MYH6: variants seen among roughly 807,000 people sequenced by gnomAD.
MYH6 encodes the protein myosin heavy chain 6, also known as myosin-6.
MYH6 carries 126 observed loss-of-function variants against 223.2 expected under a neutral mutation model. The ratio of observed to expected loss-of-function variants is 0.56; its 90% CI spans 0.49 to 0.65. MYH6 has a LOEUF of 0.65. Ranked by LOEUF, MYH6 falls within the 30% of genes least tolerant of loss-of-function variation. The pLI is 0.00. For missense variants in MYH6, 2,040 were observed against 2,536.4 expected (o/e 0.80, Z 4.20); for synonymous variants, 978 against 1,010.2 (o/e 0.97, Z 0.61).
Position 23,397,099 on chromosome 14 carries a change from G to A in MYH6, c.2051-19C>T. 1 of 1,614,250 alleles carries A rather than the reference G, an allele frequency of 6.2e-7. No individual in the cohort carries two copies. Among genetic ancestry groups the A allele is most frequent in the Non-Finnish European group, 8.5e-7 (1 of 1,180,046 alleles). ...ATCACCCCTGTGTCAGGAGGGAAGG[G>A]GAAAGGGTCAGCCTTAGGGTAAAGT... On this transcript the variant is annotated intron_variant, in intron 17 of 38. Coordinates refer to ENST00000405093, the MANE Select transcript of MYH6 (RefSeq NM_002471.4).
Position 23,402,699 on chromosome 14 carries a change from C to T in MYH6, c.1000G>A (p.Asp334Asn), listed in dbSNP as rs572757741. Residue 334 changes from aspartate (D) to asparagine (N), a missense_variant and splice_region_variant, in exon 11 of 39, where the codon GAT becomes AAT. By Grantham distance (23) the Asp-to-Asn change is conservative. Transcript: ENST00000405093. ...GCCGCAGCAGCCCCCTCACTCACAT[C>T]GGTGGCCATGAGCTCCTCGGAGTCA... is the stretch of plus-strand genomic sequence containing the variant. ...IDDSEELMAT[D>N]SAFDVLGFTS... 7.4e-6 allele frequency: 12 copies of T among 1,613,554 alleles called. No individual in the cohort carries two copies. The highest frequency in any genetic ancestry group is 2.2e-5 in the East Asian group (1 of 44,720).
rs1265839888 is a variant in MYH6, at chr14:23,386,606, C to T, written c.4668G>A (p.Glu1556=). Residue 1556 remains glutamate, a synonymous_variant, in exon 33 of 39, where the codon GAG becomes GAA. Coordinates refer to ENST00000405093, the MANE Select transcript of MYH6 (RefSeq NM_002471.4). ...LEEAEASLEH[E]EGKILRAQLE... ...GCTGGGCCCGGAGGATCTTGCCCTC[C>T]TCGTGCTCCAGGGAGGCCTGGGAAG... 1.2e-6 allele frequency: 2 copies of T among 1,610,580 alleles called. No homozygotes were observed. The highest frequency in any genetic ancestry group is 1.7e-6 in the Non-Finnish European group (2 of 1,177,444).
At chr14:23,401,081 ACTACAGCCTCC>A in intron 12 of MYH6, 104 bp from the exon 13 acceptor site, 1 of 1,524,046 alleles carries the variant, frequency 6.6e-7, no homozygotes. Context: ...ATCTTGGCTC[ACTACAGCCTCC>A]ACCTCCTGGG....
intron 25 of MYH6, 55 bp from the exon 26 acceptor site, chr14:23,390,501 C>T: frequency 1.3e-6 from 2 of 1,592,826 alleles, no homozygotes; most frequent in Non-Finnish European, 8.5e-7. Context: ...CACTGGAATC[C>T]CCCCGGCTCT....
In MYH6 at chr14:23,383,339, G is replaced by GGGCCCCCCCCCCC; in HGVS notation, c.5566-20_5566-19insGGGGGGGGGGGCC. 9.2e-6 allele frequency: 1 copy of GGGCCCCCCCCCCC among 108,192 alleles called. No homozygotes were observed. The highest frequency in any genetic ancestry group is 1.8e-5 in the Non-Finnish European group (1 of 54,378). 6.7% of individuals were successfully genotyped at this position (108,192 alleles called of 1,614,324 possible). On this transcript the variant is annotated intron_variant, in intron 36 of 38. Coordinates refer to ENST00000405093, the MANE Select transcript of MYH6 (RefSeq NM_002471.4). ...CCTCTGTCTGGGGGTGGGAGGGTGG[G>GGGCCCCCCCCCCC]AGAAGCTGGTTTGGAGGGGGAGCAA...
chr14:23,405,542 C>T lies in MYH6; in HGVS notation c.345+85G>A. ...GGACTTGGGTCCCTTGGGAGTCTCT[C>T]CCCCTCTTCTTGGGAGAGCCCCCCT... On this transcript the variant is annotated intron_variant, in intron 4 of 38. Coordinates refer to ENST00000405093, the MANE Select transcript of MYH6 (RefSeq NM_002471.4). The surrounding 1 kb of genome is among the most constrained non-coding windows in gnomAD (Gnocchi z 4.7). 4 of 1,604,988 alleles carry T rather than the reference C, an allele frequency of 2.5e-6. No individual in the cohort carries two copies. Among genetic ancestry groups the T allele is most frequent in the Non-Finnish European group, 3.4e-6 (4 of 1,174,792 alleles).
At position 23,389,194 on chromosome 14, in the gene MYH6, G is replaced by A. The variant is rs1891148704; in HGVS notation, c.3979-139C>T. On this transcript the variant is annotated intron_variant, in intron 28 of 38. Transcript: ENST00000405093. ...GATGTGGCACCTCACTGTTTGAGGA[G>A]TTTCCCAGTCTGCTCACCCCATCCC... 3.3e-6 allele frequency: 4 copies of A among 1,223,180 alleles called. No homozygotes were observed. In the South Asian group the frequency reaches 6.0e-5, roughly 18 times the overall value. 75.8% of individuals were successfully genotyped at this position (1,223,180 alleles called of 1,614,324 possible).
At chr14:23,395,383 T>C (rs962691864) in intron 20 of MYH6, among the ~76,000 whole-genome samples, 4 of 152,256 alleles carry the variant, frequency 2.6e-5, no homozygotes, top group Non-Finnish European at 5.9e-5. Context: ...CCCATTCCCC[T>C]GTGGATGGAA....
chr14:23,389,062 A>AGGGGGGGGGGGGTTTTGGGCGGGGGGG lies in MYH6; in HGVS notation c.3979-8_3979-7insCCCCCCCGCCCAAAACCCCCCCCCCCC. The AGGGGGGGGGGGGTTTTGGGCGGGGGGG allele has an allele frequency of 8.5e-7, 1 of 1,175,172 alleles. No homozygotes were observed. The highest frequency in any genetic ancestry group is 1.2e-6 in the Non-Finnish European group (1 of 849,496). The allele number at this position is 1,175,172 out of a possible 1,614,324, so 72.8% of individuals were successfully genotyped here. Reference sequence around the variant, plus strand: ...GGGCCAGGGCGTTCTTCGCCTGGGGAGGGGGGGGGGCACCAGGAGGTGGGA... The same window carrying AGGGGGGGGGGGGTTTTGGGCGGGGGGG: ...GGGCCAGGGCGTTCTTCGCCTGGGGAGGGGGGGGGGGGTTTTGGGCGGGGGGGGGGGGGGGGGCACCAGGAGGTGGGA... On this transcript the variant is annotated splice_polypyrimidine_tract_variant and splice_region_variant and intron_variant, in intron 28 of 38. Transcript: ENST00000405093.
intron 3 of MYH6, among the ~76,000 whole-genome samples, chr14:23,406,491 C>T (rs1051343187): frequency 8.5e-5 from 13 of 152,212 alleles, no homozygotes; most frequent in Non-Finnish European, 1.9e-4. Flanking sequence ...GCACACAGCC[C>T]TGAGCCGCAG....
In MYH6 at chr14:23,402,554, A is replaced by G; in HGVS notation, c.1051T>C (p.Tyr351His). Reference protein sequence around the residue: ...GFTSEEKAGVYKLTGAIMHYG... With the variant: ...GFTSEEKAGVHKLTGAIMHYG... ...TGCATGATGGCTCCCGTCAGCTTGT[A>G]GACGCCAGCTTTCTCCTCTGAAGTG... Residue 351 changes from tyrosine (Y) to histidine (H), a missense_variant, in exon 12 of 39, where the codon TAC becomes CAC. Around this residue, in one of 4 missense-constraint regions of MYH6, gnomAD observed 649 missense variants for 877.3 expected, o/e 0.74. Transcript: ENST00000405093. The G allele has an allele frequency of 6.2e-7, 1 of 1,613,722 alleles. No individual in the cohort carries two copies. Among genetic ancestry groups the G allele is most frequent in the Admixed American group, 1.7e-5 (1 of 59,972 alleles).
In MYH6 at chr14:23,389,665, C is replaced by T. The variant is rs375819633; in HGVS notation, c.3787G>A (p.Val1263Met). 1.9e-5 allele frequency: 30 copies of T among 1,614,040 alleles called. No homozygotes were observed. In the African/African-American group the frequency reaches 2.0e-4, roughly 11 times the overall value. Reference sequence around the variant, plus strand: ...GAGCGTTGGGCCTCTTCTAGCTTCACGCGGTACTCATTGGCCTGGTCCTCC... The same window carrying T: ...GAGCGTTGGGCCTCTTCTAGCTTCATGCGGTACTCATTGGCCTGGTCCTCC... The part of the protein sequence containing the change: ...TLEDQANEYR[V>M]KLEEAQRSLN... The change falls in exon 27 of 39, where the codon GTG becomes ATG. Residue 1263 changes from valine (V) to methionine (M), a missense_variant. Around this residue, in one of 4 missense-constraint regions of MYH6, gnomAD observed 1,203 missense variants for 1,400.2 expected, o/e 0.86. Coordinates refer to ENST00000405093, the MANE Select transcript of MYH6 (RefSeq NM_002471.4).
Position 23,400,772 on chromosome 14 carries a change from C to T in MYH6, c.1347G>A (p.Glu449=). The T allele has an allele frequency of 1.9e-6, 3 of 1,614,250 alleles. No homozygotes were observed. Among genetic ancestry groups the T allele is most frequent in the Middle Eastern group, 1.6e-4 (1 of 6,062 alleles). Reference sequence around the variant, plus strand: ...TGAAGTACTGGCGTGGCTGCTTGGTCTCCAGGGTGGCGTTGATGCGCGTCA... The same window carrying T: ...TGAAGTACTGGCGTGGCTGCTTGGTTTCCAGGGTGGCGTTGATGCGCGTCA... ...WMVTRINATL[E]TKQPRQYFIG... The change falls in exon 13 of 39, where the codon GAG becomes GAA. Residue 449 remains glutamate (E), a synonymous_variant. Coordinates refer to ENST00000405093, the MANE Select transcript of MYH6 (RefSeq NM_002471.4).
rs1595056516 is a variant in MYH6 at position 23,393,819 on chromosome 14, A to C, written c.2775T>G (p.Asn925Lys). 2 of 1,614,124 alleles carry C rather than the reference A, an allele frequency of 1.2e-6. No homozygotes were observed. Among genetic ancestry groups the C allele is most frequent in the Non-Finnish European group, 1.7e-6 (2 of 1,180,018 alleles). ...TCTCCTCCTCATCCTCCAGCCTCTCATTCATCTCCTTTACTTTGGCCTCCA... is the reference window on the plus strand; with the variant it reads ...TCTCCTCCTCATCCTCCAGCCTCTCCTTCATCTCCTTTACTTTGGCCTCCA... Reference protein sequence around the residue: ...IQLEAKVKEMNERLEDEEEMN... With the variant: ...IQLEAKVKEMKERLEDEEEMN... Residue 925 changes from asparagine to lysine, a missense_variant, in exon 22 of 39, where the codon AAT (asparagine) becomes AAG (lysine). Asn to Lys is a moderately conservative substitution (Grantham distance 94). Coordinates refer to ENST00000405093, the MANE Select transcript of MYH6 (RefSeq NM_002471.4).
Position 23,405,618 on chromosome 14 carries a change from G to A in MYH6, c.345+9C>T. On this transcript the variant is annotated intron_variant, in intron 4 of 38. Coordinates refer to ENST00000405093, the MANE Select transcript of MYH6 (RefSeq NM_002471.4). The surrounding 1 kb of genome is among the most constrained non-coding windows in gnomAD (Gnocchi z 4.7). Reference sequence around the variant, plus strand: ...CAGGAAGCCTCTGCAGTGTGCAGGAGCCACTCACATATATCATCCAGGCCG... The same window carrying A: ...CAGGAAGCCTCTGCAGTGTGCAGGAACCACTCACATATATCATCCAGGCCG... 6.2e-7 allele frequency: 1 copy of A among 1,614,174 alleles called. No individual in the cohort carries two copies. Among genetic ancestry groups the A allele is most frequent in the East Asian group, 2.2e-5 (1 of 44,872 alleles).
At position 23,397,082 on chromosome 14, in the gene MYH6, T is replaced by G; in HGVS notation, c.2051-2A>C. The G allele has an allele frequency of 6.2e-7, 1 of 1,614,182 alleles. No homozygotes were observed. Among genetic ancestry groups the G allele is most frequent in the Non-Finnish European group, 8.5e-7 (1 of 1,180,024 alleles). On this transcript the variant is annotated splice_acceptor_variant, in intron 17 of 38. Coordinates refer to ENST00000405093, the MANE Select transcript of MYH6 (RefSeq NM_002471.4). LOFTEE classifies it high-confidence loss of function. Reference sequence around the variant, plus strand: ...TGACCAGGGGGTTGTCCATCACCCCTGTGTCAGGAGGGAAGGGGAAAGGGT... The same window carrying G: ...TGACCAGGGGGTTGTCCATCACCCCGGTGTCAGGAGGGAAGGGGAAAGGGT...
chr14:23,401,453 G>A (rs1462010266), intron 12 of MYH6, among the ~76,000 whole-genome samples: 2 of 152,248 alleles, frequency 1.3e-5, no homozygotes, highest in African/African-American at 4.8e-5. Context: ...CAACCAACGT[G>A]TGCCTGAGTC....
At position 23,405,820 on chromosome 14, in the gene MYH6, A is replaced by G. The variant is rs1209149781; in HGVS notation, c.202-50T>C. On this transcript the variant is annotated intron_variant, in intron 3 of 38. Coordinates refer to ENST00000405093, the MANE Select transcript of MYH6 (RefSeq NM_002471.4). The surrounding 1 kb of genome is among the most constrained non-coding windows in gnomAD (Gnocchi z 4.7). ...GATGAGTGACCACAATCCCTCCGGG[A>G]CCCTTGCCAGCACTGCCCACTGACC... 2 of 1,612,986 alleles carry G rather than the reference A, an allele frequency of 1.2e-6. No individual in the cohort carries two copies. Among genetic ancestry groups the G allele is most frequent in the African/African-American group, 2.7e-5 (2 of 74,796 alleles).
At position 23,389,072 on chromosome 14, in the gene MYH6, G is replaced by T. The variant is rs977002628; in HGVS notation, c.3979-17C>A. The T allele has an allele frequency of 6.2e-6, 7 of 1,135,186 alleles. No homozygotes were observed. Among genetic ancestry groups the T allele is most frequent in the African/African-American group, 1.5e-5 (1 of 68,744 alleles). 70.3% of individuals were successfully genotyped at this position (1,135,186 alleles called of 1,614,324 possible). On this transcript the variant is annotated splice_polypyrimidine_tract_variant and intron_variant, in intron 28 of 38. Coordinates refer to ENST00000405093, the MANE Select transcript of MYH6 (RefSeq NM_002471.4). ...GTTCTTCGCCTGGGGAGGGGGGGGGGCACCAGGAGGTGGGAGGGACTCCCT... is the reference window on the plus strand; with the variant it reads ...GTTCTTCGCCTGGGGAGGGGGGGGGTCACCAGGAGGTGGGAGGGACTCCCT...
Sources: allele counts gnomAD v4.1 joint callset (sites outside exome capture counted in the v4.1 genomes callset), GRCh38; gene constraint gnomAD v4.1.1; regional missense constraint gnomAD v4.1.1; non-coding constraint Gnocchi (gnomAD v3.1); transcripts MANE v1.5; gene names NCBI Gene and HGNC (gene_info 2026-07-23, HGNC 2026-07-21).